Variants in FRMD4A observed in about 807,000 individuals in gnomAD.
FRMD4A encodes the protein FERM domain containing 4A, also known as FERM domain-containing protein 4A.
Under a neutral mutation model 129.1 loss-of-function variants are expected in FRMD4A, and 29 were observed. The ratio of observed to expected loss-of-function variants is 0.22; its 90% confidence interval spans 0.17 to 0.31. The LOEUF is 0.31. Among genes scored for constraint, FRMD4A ranks in the 10% least tolerant of loss-of-function variants. The pLI, the probability that FRMD4A is intolerant of heterozygous loss-of-function variation, is 1.00. For missense variants in FRMD4A, 1,272 were observed against 1,375.8 expected, an observed-to-expected ratio of 0.92 and a Z score of 1.19; for synonymous variants, 634 against 571.6, an observed-to-expected ratio of 1.11 and a Z score of -1.56.
At chr10:14,224,718 C>T (rs527970759) in intron 2 of FRMD4A, among the ~76,000 whole-genome samples, 3 of 152,296 alleles carry the variant, frequency 2.0e-5, no homozygotes, top group African/African-American at 7.2e-5. Context: ...AAGAGTCTCT[C>T]ATTTATCTCC....
intron 3 of FRMD4A, among the ~76,000 whole-genome samples, chr10:13,839,523 G>A (rs1293156938): frequency 1.3e-5 from 2 of 152,184 alleles, no homozygotes; most frequent in Non-Finnish European, 2.9e-5. Flanking sequence ...GGTTTTCACT[G>A]AGACCCCAGT....
intron 2 of FRMD4A, among the ~76,000 whole-genome samples, chr10:14,061,185 T>C (rs1479106869): frequency 6.6e-6 from 1 of 152,212 alleles, no homozygotes; most frequent in African/African-American, 2.4e-5. Context: ...TAGTGGCTTA[T>C]GCCTTTAATT....
chr10:14,185,462 A>C (rs558995796), intron 2 of FRMD4A, among the ~76,000 whole-genome samples: 6 of 152,254 alleles, frequency 3.9e-5, no homozygotes, highest in East Asian at 1.9e-4. Flanking sequence ...AGAAATTAGT[A>C]CAAAAAACAT....
At chr10:13,729,791 A>G (rs1369175181) in intron 12 of FRMD4A, among the ~76,000 whole-genome samples, 1 of 152,168 alleles carries the variant, frequency 6.6e-6, no homozygotes, top group African/African-American at 2.4e-5. Context: ...TCAAATAAAT[A>G]AGTAAATGCT....
intron 2 of FRMD4A, among the ~76,000 whole-genome samples, chr10:13,930,898 T>C (rs980836178): frequency 6.6e-6 from 1 of 152,126 alleles, no homozygotes; most frequent in Non-Finnish European, 1.5e-5. Flanking sequence ...AGTGGTGCCA[T>C]CACAGCTTAC....
chr10:14,291,503 A>C (rs983867193), intron 2 of FRMD4A, among the ~76,000 whole-genome samples: 2 of 152,164 alleles, frequency 1.3e-5, no homozygotes, highest in African/African-American at 4.8e-5. Context: ...GGTTGGCTTA[A>C]TAGAGTAATG....
At chr10:13,691,774 C>A (rs2085718915) in intron 15 of FRMD4A, among the ~76,000 whole-genome samples, 1 of 152,158 alleles carries the variant, frequency 6.6e-6, no homozygotes, top group Non-Finnish European at 1.5e-5. Flanking sequence ...GATGCAGCCT[C>A]TCTCATCTGA....
At chr10:13,988,789 T>C (rs1419525696) in intron 2 of FRMD4A, among the ~76,000 whole-genome samples, 3 of 152,260 alleles carry the variant, frequency 2.0e-5, no homozygotes, top group South Asian at 2.1e-4. Flanking sequence ...TATCTATCTA[T>C]CTACCTACCT....
At chr10:13,737,399 T>C (rs1379420268) in intron 12 of FRMD4A, among the ~76,000 whole-genome samples, 1 of 152,188 alleles carries the variant, frequency 6.6e-6, no homozygotes, top group Admixed American at 6.5e-5. Context: ...CTTTCAGCTC[T>C]TTTTGACCTG....
At chr10:13,956,117 T>G (rs1034386986) in intron 2 of FRMD4A, among the ~76,000 whole-genome samples, 1 of 152,160 alleles carries the variant, frequency 6.6e-6, no homozygotes, top group African/African-American at 2.4e-5. Flanking sequence ...TGCTATACAG[T>G]GTGCTAAGTG....
At chr10:13,722,582 G>A (rs2089527095) in intron 12 of FRMD4A, among the ~76,000 whole-genome samples, 1 of 152,030 alleles carries the variant, frequency 6.6e-6, no homozygotes, top group African/African-American at 2.4e-5. Flanking sequence ...TCACTGGTTT[G>A]ATTCTCACCT....
At chr10:13,762,769 G>A (rs903335974) in intron 6 of FRMD4A, 89 bp from the exon 7 acceptor site, 26 of 795,836 alleles carry the variant, frequency 3.3e-5, no homozygotes, top group African/African-American at 2.4e-4. Flanking sequence ...TTCTTCGGGA[G>A]GATTACTTGA....
At chr10:14,160,377 C>T (rs372832871) in intron 2 of FRMD4A, among the ~76,000 whole-genome samples, 5 of 152,136 alleles carry the variant, frequency 3.3e-5, no homozygotes, top group Admixed American at 1.3e-4. Context: ...ACATTGGTCT[C>T]GGCAAAGGTT....
intron 2 of FRMD4A, among the ~76,000 whole-genome samples, chr10:14,124,297 A>C (rs921770338): frequency 6.6e-6 from 1 of 152,174 alleles, no homozygotes; most frequent in African/African-American, 2.4e-5. Flanking sequence ...TGCCATGATC[A>C]TTGCCTGAGT....
intron 2 of FRMD4A, among the ~76,000 whole-genome samples, chr10:14,199,488 C>T (rs1842570693): frequency 6.6e-6 from 1 of 151,478 alleles, no homozygotes; most frequent in African/African-American, 2.4e-5. Flanking sequence ...CTCCCGGGCT[C>T]AAGCAATTCT....
intron 6 of FRMD4A, among the ~76,000 whole-genome samples, chr10:13,778,393 C>T (rs1451988745): frequency 2.6e-5 from 4 of 152,144 alleles, no homozygotes; most frequent in African/African-American, 9.7e-5. Context: ...CCCCAAAATG[C>T]TGTCCTCTTA....
At chr10:14,249,362 AAAG>A (rs1170349163) in intron 2 of FRMD4A, among the ~76,000 whole-genome samples, 1 of 151,872 alleles carries the variant, frequency 6.6e-6, no homozygotes, top group Non-Finnish European at 1.5e-5. Flanking sequence ...AAAAAAAAAA[AAAG>A]AAAGAAACAA....
intron 2 of FRMD4A, among the ~76,000 whole-genome samples, chr10:14,317,134 C>A (rs1250575165): frequency 6.6e-6 from 1 of 152,192 alleles, no homozygotes; most frequent in Non-Finnish European, 1.5e-5. Flanking sequence ...TACATCTGCA[C>A]TCTGATCATG....
intron 17 of FRMD4A, 89 bp downstream of exon 17, chr10:13,670,317 G>T: frequency 1.5e-6 from 2 of 1,374,906 alleles, no homozygotes; most frequent in Non-Finnish European, 2.0e-6. Context: ...CAGAAATGAA[G>T]AAATTGGTAC....
Sources: gnomAD v4.1 joint callset for allele counts (sites outside exome capture counted in the v4.1 genomes callset) on GRCh38, gnomAD v4.1.1 for gene constraint, MANE v1.5 for transcripts, NCBI Gene and HGNC (gene_info 2026-07-23, HGNC 2026-07-21) for gene names.